The following BRSK2 variants were observed in gnomAD, a reference collection of about 807,000 sequenced individuals.
BRSK2 encodes the protein serine/threonine-protein kinase BRSK2.
BRSK2 carries 19 observed loss-of-function variants against 83.3 expected under a neutral mutation model. The ratio of observed to expected loss-of-function variants is 0.23; its 90% CI spans 0.16 to 0.33. The LOEUF (loss-of-function observed/expected upper bound fraction) is 0.33, where lower values mean the gene tolerates loss of function less well. Among genes scored for constraint, BRSK2 ranks in the 10% least tolerant of loss-of-function variants. The probability of loss-of-function intolerance (pLI) is 1.00; values close to 1 mark genes in which losing one functional copy is unlikely to be tolerated. For synonymous variants in BRSK2, 519 were observed against 435.4 expected (o/e 1.19, Z -2.39); for missense variants, 798 against 1,042.3 (o/e 0.77, Z 3.23).
At chr11:1,404,953 C>G (rs1478673159) in intron 1 of BRSK2, among the ~76,000 whole-genome samples, 1 of 54,558 alleles carries the variant, frequency 1.8e-5, no homozygotes, top group Non-Finnish European at 3.7e-5. Flanking sequence ...ACACAAGGCC[C>G]CCAAGGTGTG....
chr11:1,395,188 G>A (rs1845994273), intron 1 of BRSK2, among the ~76,000 whole-genome samples: 1 of 152,190 alleles, frequency 6.6e-6, no homozygotes, highest in Non-Finnish European at 1.5e-5. Context: ...CAGGGCAGCA[G>A]CAGCCTGGGG....
At chr11:1,426,112 C>T (rs988737800) in intron 1 of BRSK2, among the ~76,000 whole-genome samples, 2 of 152,272 alleles carry the variant, frequency 1.3e-5, no homozygotes, top group Non-Finnish European at 2.9e-5. Context: ...CCAGCACACA[C>T]CGGTCCCTGT....
intron 1 of BRSK2, among the ~76,000 whole-genome samples, chr11:1,416,956 C>G (rs559231070): frequency 6.6e-6 from 1 of 152,268 alleles, no homozygotes; most frequent in East Asian, 1.9e-4. Context: ...GTCAGGCGTT[C>G]GAGACCAGCC....
Position 1,443,548 on chromosome 11 carries a change from C to A in BRSK2, c.693C>A (p.Gly231=), listed in dbSNP as rs894724994. 1 of 1,609,986 alleles carries A rather than the reference C, an allele frequency of 6.2e-7. No homozygotes were observed. Among genetic ancestry groups the A allele is most frequent in the African/African-American group, 1.3e-5 (1 of 74,982 alleles). The change falls in exon 8 of 20, where the codon GGC becomes GGA. Residue 231 remains glycine (G), a synonymous_variant. Transcript: ENST00000528841. ...LRQLLEKVKR[G]VFHMPHFIPP... is the part of the protein sequence containing the mutation. ...AGCTGCTGGAGAAGGTGAAGCGGGG[C>A]GTGTTCCACATGCCGCACTTTATCC... is the stretch of plus-strand genomic sequence containing the variant.
At position 1,389,935 on chromosome 11, in the gene BRSK2, G is replaced by A; in HGVS notation, c.-350G>A. The A allele has an allele frequency of 6.7e-6, 1 of 150,358 alleles. No homozygotes were observed. Among genetic ancestry groups the A allele is most frequent in the African/African-American group, 2.4e-5 (1 of 41,066 alleles). 9.3% of individuals were successfully genotyped at this position (150,358 alleles called of 1,614,324 possible). The stretch of plus-strand genomic sequence containing the variant: ...CAGCTGCACGGCTCGGCTCGGCTCG[G>A]CTCGGCTCGGCTGCGCGGCCGCTGA... On this transcript the variant is annotated 5_prime_UTR_variant, in exon 1 of 20. Coordinates refer to ENST00000528841, the MANE Select transcript of BRSK2 (RefSeq NM_001256627.2). This position sits in a 1 kb window ranked among gnomAD's most constrained non-coding sequence, Gnocchi z 4.1.
chr11:1,460,241 GCGCACAGCTTCCCCAC>G (rs999536090), intron 19 of BRSK2, among the ~76,000 whole-genome samples: 1 of 152,130 alleles, frequency 6.6e-6, no homozygotes, highest in Non-Finnish European at 1.5e-5. Context: ...TGGCCCCACG[GCGCACAGCTTCCCCAC>G]CGCACAGCCC....
rs116832874 is a variant in BRSK2, at chr11:1,449,738, C to G, written c.1227-38C>G. 1.2e-3 allele frequency: 1,972 copies of G among 1,583,476 alleles called. 22 individuals carry two copies. In the African/African-American group the frequency reaches 0.024, roughly 19 times the overall value. ...CCCAGCACCTGCTGCTCCACTGCCC[C>G]CTGGCTGAGCAGTGGCCCTGTACCT... is the stretch of plus-strand genomic sequence containing the variant. On this transcript the variant is annotated intron_variant, in intron 12 of 19. Transcript: ENST00000528841.
chr11:1,447,582 G>A (rs1852324501), intron 12 of BRSK2, among the ~76,000 whole-genome samples: 3 of 152,250 alleles, frequency 2.0e-5, no homozygotes, highest in Middle Eastern at 3.4e-3. Flanking sequence ...GGACGCAGGG[G>A]TCCTGGGGGC....
intron 1 of BRSK2, among the ~76,000 whole-genome samples, chr11:1,406,038 C>G (rs1326327576): frequency 8.5e-5 from 13 of 152,164 alleles, no homozygotes; most frequent in Non-Finnish European, 1.0e-4. Context: ...CCAACTCTGT[C>G]CCAGCTCCTC....
At chr11:1,392,709 G>A (rs958600656) in intron 1 of BRSK2, among the ~76,000 whole-genome samples, 1 of 152,320 alleles carries the variant, frequency 6.6e-6, no homozygotes, top group Non-Finnish European at 1.5e-5. Flanking sequence ...CCTGGAGGAC[G>A]CCCTTCTAGA....
intron 1 of BRSK2, among the ~76,000 whole-genome samples, chr11:1,433,453 C>T (rs1050409450): frequency 8.5e-5 from 13 of 152,250 alleles, no homozygotes; most frequent in African/African-American, 2.7e-4. Context: ...TCTTGGCCTC[C>T]GGCTGCATCC....
chr11:1,428,106 G>A (rs951450104), intron 1 of BRSK2, among the ~76,000 whole-genome samples: 1 of 152,192 alleles, frequency 6.6e-6, no homozygotes, highest in African/African-American at 2.4e-5. Flanking sequence ...AGAAGATGGA[G>A]GCAGGAGGAG....
At position 1,454,364 on chromosome 11, in the gene BRSK2, A is replaced by G. The variant is rs1183317699; in HGVS notation, c.1545-121A>G. ...ATGGGTTCTGGCTAGCACTGTGGAG[A>G]CAGCCGTTTCTATCACGAAGCGATG... is the stretch of plus-strand genomic sequence containing the variant. On this transcript the variant is annotated intron_variant, in intron 15 of 19. Coordinates refer to ENST00000528841, the MANE Select transcript of BRSK2 (RefSeq NM_001256627.2). The surrounding 1 kb of genome is among the most constrained non-coding windows in gnomAD (Gnocchi z 5.2). 1.6e-6 allele frequency: 2 copies of G among 1,214,714 alleles called. No homozygotes were observed. Among genetic ancestry groups the G allele is most frequent in the African/African-American group, 3.0e-5 (2 of 67,094 alleles). The allele number at this position is 1,214,714 out of a possible 1,614,324, so 75.2% of individuals were successfully genotyped here. A position where few individuals can be genotyped will look rare whatever the true frequency, so the allele number is the denominator to read the frequency against.
chr11:1,460,227 T>C (rs1223027169), intron 19 of BRSK2, among the ~76,000 whole-genome samples: 2 of 152,070 alleles, frequency 1.3e-5, no homozygotes, highest in Non-Finnish European at 2.9e-5. Context: ...GGGTCCTAAG[T>C]TCCTGGCCCC....
At chr11:1,449,473 C>A (rs1027178876) in intron 12 of BRSK2, among the ~76,000 whole-genome samples, 11 of 152,338 alleles carry the variant, frequency 7.2e-5, no homozygotes, top group African/African-American at 2.4e-4. Flanking sequence ...TCCTTCCGTC[C>A]ACCCCCACGC....
At chr11:1,408,978 G>A (rs867166675) in intron 1 of BRSK2, among the ~76,000 whole-genome samples, 4 of 132,630 alleles carry the variant, frequency 3.0e-5, no homozygotes, top group Non-Finnish European at 6.9e-5. Flanking sequence ...GTGTGTGTGT[G>A]TGTGTGTGTA....
At chr11:1,434,080 C>T (rs1004008226) in intron 1 of BRSK2, among the ~76,000 whole-genome samples, 1 of 152,254 alleles carries the variant, frequency 6.6e-6, no homozygotes, top group Non-Finnish European at 1.5e-5. Context: ...AATCAAAGGG[C>T]TCTTGCAAAT....
chr11:1,449,453 TG>T (rs1252367379), intron 12 of BRSK2, among the ~76,000 whole-genome samples: 3 of 152,228 alleles, frequency 2.0e-5, no homozygotes, highest in African/African-American at 7.2e-5. Flanking sequence ...AGCTCCCGTC[TG>T]TCCCCTCGTC....
intron 1 of BRSK2, among the ~76,000 whole-genome samples, chr11:1,434,011 C>T (rs889530831): frequency 5.9e-5 from 9 of 152,228 alleles, no homozygotes; most frequent in East Asian, 1.9e-4. Context: ...AGCTAAAAGC[C>T]GATGGGGCCG....
Sources: gnomAD v4.1 joint callset for allele counts (sites outside exome capture counted in the v4.1 genomes callset) on GRCh38, gnomAD v4.1.1 for gene constraint, Gnocchi (gnomAD v3.1) non-coding constraint, MANE v1.5 for transcripts, NCBI Gene and HGNC (gene_info 2026-07-23, HGNC 2026-07-21) for gene names.